The following CORO7 variants were observed in gnomAD, a reference collection of about 807,000 sequenced individuals.
The protein encoded by CORO7 is coronin 7.
Under a neutral mutation model 126.6 loss-of-function variants are expected in CORO7, and 107 were observed. The ratio of observed to expected loss-of-function variants is 0.85; its 90% CI spans 0.72 to 0.99. The LOEUF (loss-of-function observed/expected upper bound fraction) is 0.99. Ranked by LOEUF, CORO7 falls within the 50% of genes least tolerant of loss-of-function variation. The pLI, the probability that CORO7 is intolerant of heterozygous loss-of-function variation, is 0.00. For missense variants in CORO7, 1,314 were observed against 1,255.8 expected (o/e 1.05, Z -0.70); for synonymous variants, 603 against 536.8 (o/e 1.12, Z -1.70).
Position 4,358,439 on chromosome 16 carries a change from C to A in CORO7, c.2385G>T (p.Val795=). The change falls in exon 24 of 28, where the codon GTG becomes GTT. Residue 795 remains valine (V), a synonymous_variant. Transcript: ENST00000251166. The part of the protein sequence containing the change: ...LPKTECDVRE[V]ELMRCLRLRQ... ...GCAGCCGCAGGCACCGCATCAGCTC[C>A]ACTTCCCGCACGTCGCACTCCGTCT... 1.9e-6 allele frequency: 3 copies of A among 1,611,448 alleles called. No homozygotes were observed. The highest frequency in any genetic ancestry group is 2.5e-6 in the Non-Finnish European group (3 of 1,179,020).
chr16:4,408,371 C>A, intron 3 of CORO7, 120 bp from the exon 4 acceptor site: 1 of 1,402,936 alleles, frequency 7.1e-7, no homozygotes. Context: ...TACAAGTCTA[C>A]AAGGGCCCTC....
At chr16:4,363,109 C>T (rs1449417822) in intron 14 of CORO7, 3 of 173,310 alleles carry the variant, frequency 1.7e-5, no homozygotes, top group Non-Finnish European at 3.6e-5. Context: ...TTATGCTCCA[C>T]GTGTTTCTCT....
intron 6 of CORO7, among the ~76,000 whole-genome samples, chr16:4,403,841 T>C (rs1255150137): frequency 1.3e-5 from 2 of 152,208 alleles, no homozygotes; most frequent in East Asian, 1.9e-4. Flanking sequence ...CTGCTGAGAC[T>C]ACCCAGGCCA....
chr16:4,359,496 A>C lies in CORO7; in HGVS notation c.2234T>G (p.Val745Gly), dbSNP rs1420663529. The change falls in exon 22 of 28, where the codon GTG (valine) becomes GGG (glycine). Residue 745 changes from valine (V) to glycine (G), a missense_variant. Coordinates refer to ENST00000251166, the MANE Select transcript of CORO7 (RefSeq NM_024535.5). Reference protein sequence around the residue: ...LPSYDPDTGLVLLTGKGDTRV... With the variant: ...LPSYDPDTGLGLLTGKGDTRV... Reference sequence around the variant, plus strand: ...CCAGCCCACCTTGCCGGTCAGGAGCACCAGGCCAGTGTCTGGGTCGTAGCT... The same window carrying C: ...CCAGCCCACCTTGCCGGTCAGGAGCCCCAGGCCAGTGTCTGGGTCGTAGCT... 1.4e-5 allele frequency: 22 copies of C among 1,613,448 alleles called. No homozygotes were observed. The highest frequency in any genetic ancestry group is 3.3e-5 in the Admixed American group (2 of 60,008).
chr16:4,357,700 C>T lies in CORO7; in HGVS notation c.2593+268G>A. ...GCGCAGATCTAAGAGGTGGTATTAACAGTCAATGGAGCCTCACTGTATAAG... is the reference window on the plus strand; with the variant it reads ...GCGCAGATCTAAGAGGTGGTATTAATAGTCAATGGAGCCTCACTGTATAAG... On this transcript the variant is annotated intron_variant, in intron 25 of 27. Coordinates refer to ENST00000251166, the MANE Select transcript of CORO7 (RefSeq NM_024535.5). 5 of 513,046 alleles carry T rather than the reference C, an allele frequency of 9.7e-6. No homozygotes were observed. In the South Asian group the frequency reaches 1.7e-4, roughly 18 times the overall value. 31.8% of individuals were successfully genotyped at this position (513,046 alleles called of 1,614,324 possible). A position where few individuals can be genotyped will look rare whatever the true frequency, so the allele number is the denominator to read the frequency against.
rs574278453 is a variant in CORO7, at chr16:4,374,414, C to T, written c.786-8869G>A. ...GTTTTGGGCAGGGGGTGGGGGCAGG[C>T]GAGGGGCCAGTTATTCTTCAGGGTT... On this transcript the variant is annotated intron_variant, in intron 9 of 27. Transcript: ENST00000251166. Among the ~76,000 whole-genome samples the T allele has an allele frequency of 4.6e-5, 7 of 152,098 alleles. No individual in the cohort carries two copies. The South Asian group carries it at 1.5e-3, about 32-fold the overall frequency.
In CORO7 at chr16:4,377,796, T is replaced by C. The variant is rs140466020; in HGVS notation, c.785+10190A>G. Among the ~76,000 whole-genome samples, 60 of 152,274 alleles carry C rather than the reference T, an allele frequency of 3.9e-4. No homozygotes were observed. The East Asian group carries it at 6.2e-3, about 16-fold the overall frequency. On this transcript the variant is annotated intron_variant, in intron 9 of 27. Coordinates refer to ENST00000251166, the MANE Select transcript of CORO7 (RefSeq NM_024535.5). Reference sequence around the variant, plus strand: ...TCCTCCCTTTGATGTGGGGGTAGAATTGGGGCTCAGGCAAAAGAGCTCACC... The same window carrying C: ...TCCTCCCTTTGATGTGGGGGTAGAACTGGGGCTCAGGCAAAAGAGCTCACC...
intron 9 of CORO7, among the ~76,000 whole-genome samples, chr16:4,371,636 G>A (rs1423158312): frequency 6.6e-6 from 1 of 152,244 alleles, no homozygotes; most frequent in East Asian, 1.9e-4. Flanking sequence ...CCTGCCCAGT[G>A]TCATCCGGCA....
chr16:4,411,161 G>A (rs568089676), intron 3 of CORO7, among the ~76,000 whole-genome samples: 7 of 152,198 alleles, frequency 4.6e-5, no homozygotes, highest in South Asian at 2.1e-4. Flanking sequence ...AGGCCAAGGC[G>A]GGAGGATAGC....
At chr16:4,388,121 C>CG (rs1208076654) in intron 8 of CORO7, 53 bp from the exon 9 acceptor site, 48 of 1,566,584 alleles carry the variant, frequency 3.1e-5, no homozygotes, top group Middle Eastern at 3.5e-4. Context: ...CAGCCCCACC[C>CG]GGGGGGCTCC....
In CORO7 at chr16:4,355,254, C is replaced by T. The variant is rs781208130; in HGVS notation, c.2772+32G>A. 6.8e-6 allele frequency: 11 copies of T among 1,611,910 alleles called. No homozygotes were observed. The South Asian group carries it at 1.2e-4, about 18-fold the overall frequency. On this transcript the variant is annotated intron_variant, in intron 27 of 27. Transcript: ENST00000251166. ...GTGGCATGTGCGAGGGACCGCGCTG[C>T]CTGCCGGGAAGTGAGGCCACTCACT...
At chr16:4,391,055 C>T (rs2055369222) in intron 7 of CORO7, among the ~76,000 whole-genome samples, 1 of 152,198 alleles carries the variant, frequency 6.6e-6, no homozygotes, top group Non-Finnish European at 1.5e-5. Flanking sequence ...CAGGAAGCCC[C>T]CAGGTGAGGG....
chr16:4,382,355 GCCT>G (rs1451201290), intron 9 of CORO7: 1 of 1,611,918 alleles, frequency 6.2e-7, no homozygotes, highest in African/African-American at 1.3e-5. Flanking sequence ...CAGCTCAGGA[GCCT>G]CCGTCTCACC....
Position 4,355,424 on chromosome 16 carries a change from C to T in CORO7, c.2686-52G>A, listed in dbSNP as rs1258455283. ...GGTAAGGGAATAGGACTCCCTGTTC[C>T]CTCTCCCACTCCAAGAACAACCCTG... On this transcript the variant is annotated intron_variant, in intron 26 of 27. Transcript: ENST00000251166. 7.0e-6 allele frequency: 11 copies of T among 1,564,438 alleles called. No homozygotes were observed. In the East Asian group the frequency reaches 1.4e-4, roughly 19 times the overall value.
In CORO7 at chr16:4,365,522, G is replaced by A. The variant is rs1327066149; in HGVS notation, c.809C>T (p.Pro270Leu). ...SLGCLVPLLD[P>L]DSGLLVLAGK... ...TGCCAGGACCAGGAGCCCAGAGTCAGGGTCCAGCAGAGGCACGAGACACCT... is the reference window on the plus strand; with the variant it reads ...TGCCAGGACCAGGAGCCCAGAGTCAAGGTCCAGCAGAGGCACGAGACACCT... Residue 270 changes from proline to leucine, a missense_variant, in exon 10 of 28, where the codon CCT becomes CTT. Physicochemically the swap from Pro to Leu is moderately conservative, Grantham distance 98. Transcript: ENST00000251166. 6.3e-7 allele frequency: 1 copy of A among 1,580,564 alleles called. No homozygotes were observed. Among genetic ancestry groups the A allele is most frequent in the Non-Finnish European group, 8.6e-7 (1 of 1,163,644 alleles).
chr16:4,395,715 AC>A (rs1454693890), intron 6 of CORO7, among the ~76,000 whole-genome samples: 3 of 152,174 alleles, frequency 2.0e-5, no homozygotes, highest in Non-Finnish European at 4.4e-5. Flanking sequence ...GAGGTCCAGA[AC>A]CAAACTCTAG....
chr16:4,383,984 A>G (rs1725590888), intron 9 of CORO7, among the ~76,000 whole-genome samples: 1 of 152,192 alleles, frequency 6.6e-6, no homozygotes, highest in African/African-American at 2.4e-5. Flanking sequence ...GGGAGAGCCA[A>G]GCGGTTTGCA....
chr16:4,359,161 G>T, intron 23 of CORO7, 135 bp downstream of exon 23: 1 of 959,392 alleles, frequency 1.0e-6, no homozygotes, highest in Non-Finnish European at 1.5e-6. Flanking sequence ...CCAGTCACTG[G>T]GCACAGCCCC....
chr16:4,367,971 G>A (rs1371739940), intron 9 of CORO7, among the ~76,000 whole-genome samples: 1 of 152,158 alleles, frequency 6.6e-6, no homozygotes, highest in East Asian at 1.9e-4. Flanking sequence ...GGCTGAGGTG[G>A]GAGAATCACT....
Sources: gnomAD v4.1 joint callset for allele counts (sites outside exome capture counted in the v4.1 genomes callset) on GRCh38, gnomAD v4.1.1 for gene constraint, MANE v1.5 for transcripts, NCBI Gene and HGNC (gene_info 2026-07-23, HGNC 2026-07-21) for gene names.